SYNPR: variants seen among roughly 807,000 people sequenced by gnomAD.
SYNPR encodes synaptoporin.
In SYNPR, 23 loss-of-function variants were observed where a neutral mutation model predicts 32.9. The observed-to-expected ratio is 0.70, with a 90% confidence interval of 0.50 to 0.99. The LOEUF (loss-of-function observed/expected upper bound fraction) is 0.99. SYNPR is among the 50% of genes least tolerant of loss of function. The probability of loss-of-function intolerance (pLI) is 0.00; values close to 1 mark genes in which losing one functional copy is unlikely to be tolerated. For synonymous variants in SYNPR, 146 were observed against 135.9 expected (o/e 1.07, Z -0.52); for missense variants, 318 against 349.3 (o/e 0.91, Z 0.71).
chr3:63,411,381 G>A (rs2088462774), intron 2 of SYNPR, among the ~76,000 whole-genome samples: 1 of 151,974 alleles, frequency 6.6e-6, no homozygotes, highest in South Asian at 2.1e-4. Context: ...TGCATGCCTG[G>A]CTCCACGCTA....
At chr3:63,443,015 G>C in intron 2 of SYNPR, 1 of 995,854 alleles carries the variant, frequency 1.0e-6, no homozygotes, top group Non-Finnish European at 1.2e-6. Context: ...GCTTGCAGGA[G>C]GAGGGGGCTG....
At chr3:63,417,890 C>G (rs983216318) in intron 2 of SYNPR, among the ~76,000 whole-genome samples, 1 of 152,228 alleles carries the variant, frequency 6.6e-6, no homozygotes, top group African/African-American at 2.4e-5. Context: ...GCCTCCGGGC[C>G]TGTGATGGGA....
At chr3:63,566,412 A>G (rs900994203) in intron 4 of SYNPR, among the ~76,000 whole-genome samples, 3 of 152,002 alleles carry the variant, frequency 2.0e-5, no homozygotes, top group African/African-American at 7.3e-5. Flanking sequence ...ATTTCATGTT[A>G]TGTTTCCTTT....
At chr3:63,481,081 C>T (rs1034116046) in intron 3 of SYNPR, 125 bp downstream of exon 3, 3 of 1,299,966 alleles carry the variant, frequency 2.3e-6, no homozygotes, top group Middle Eastern at 2.8e-4. Context: ...CTGCCTGCAC[C>T]CACGGAATGC....
intron 3 of SYNPR, among the ~76,000 whole-genome samples, chr3:63,524,061 C>G (rs1185614179): frequency 6.7e-6 from 1 of 149,450 alleles, no homozygotes; most frequent in Non-Finnish European, 1.5e-5. Flanking sequence ...GCATCACCTT[C>G]CTGATATTTA....
At chr3:63,441,945 T>C (rs1472930971) in intron 2 of SYNPR, among the ~76,000 whole-genome samples, 1 of 152,148 alleles carries the variant, frequency 6.6e-6, no homozygotes, top group Non-Finnish European at 1.5e-5. Context: ...AGTGTAGCCA[T>C]TTTACAAAGG....
At chr3:63,249,036 C>T (rs2086311684) in intron 1 of SYNPR, among the ~76,000 whole-genome samples, 1 of 152,050 alleles carries the variant, frequency 6.6e-6, no homozygotes, top group African/African-American at 2.4e-5. Context: ...GCCTTAAATT[C>T]TGTGTAATTT....
At chr3:63,468,657 C>T (rs375504779) in intron 2 of SYNPR, among the ~76,000 whole-genome samples, 3 of 151,986 alleles carry the variant, frequency 2.0e-5, no homozygotes, top group Non-Finnish European at 2.9e-5. Flanking sequence ...AAAGATTAAC[C>T]GGGTGTGGTG....
chr3:63,382,954 CCT>C (rs1382503204), intron 2 of SYNPR, among the ~76,000 whole-genome samples: 1 of 152,010 alleles, frequency 6.6e-6, no homozygotes, highest in Non-Finnish European at 1.5e-5. Flanking sequence ...TATTCTATCT[CCT>C]CTGTTACTAC....
intron 2 of SYNPR, among the ~76,000 whole-genome samples, chr3:63,468,277 C>T (rs1700725144): frequency 6.6e-6 from 1 of 150,718 alleles, no homozygotes; most frequent in Admixed American, 6.6e-5. Context: ...AGAGATGCAA[C>T]TTGCCAGTAT....
At chr3:63,381,459 G>A (rs930112836) in intron 2 of SYNPR, among the ~76,000 whole-genome samples, 31 of 152,138 alleles carry the variant, frequency 2.0e-4, no homozygotes, top group Admixed American at 2.6e-4. Context: ...AATCAATATC[G>A]TGAAAACGGC....
intron 2 of SYNPR, among the ~76,000 whole-genome samples, chr3:63,260,010 C>G (rs2086422784): frequency 6.6e-6 from 1 of 152,162 alleles, no homozygotes; most frequent in African/African-American, 2.4e-5. Flanking sequence ...ATCCAACTTA[C>G]AAGGGACGCG....
intron 3 of SYNPR, among the ~76,000 whole-genome samples, chr3:63,551,100 C>A (rs1702493056): frequency 6.6e-6 from 1 of 152,186 alleles, no homozygotes; most frequent in Non-Finnish European, 1.5e-5. Context: ...CAGTCCTAAG[C>A]AAACACTAAC....
intron 3 of SYNPR, among the ~76,000 whole-genome samples, chr3:63,520,110 T>C (rs1701877535): frequency 6.6e-6 from 1 of 152,238 alleles, no homozygotes; most frequent in Non-Finnish European, 1.5e-5. Context: ...AAATATTCTT[T>C]ACAGCATAAT....
In SYNPR at chr3:63,531,908, A is replaced by G. The variant is rs1256010821; in HGVS notation, c.210-24635A>G. 2.0e-5 allele frequency among the ~76,000 whole-genome samples: 3 copies of G among 152,112 alleles called. No homozygotes were observed. The East Asian group carries it at 5.8e-4, about 29-fold the overall frequency. On this transcript the variant is annotated intron_variant, in intron 3 of 5. Transcript: ENST00000478300. ...GAAATCCCATTGAAATTTTCTCTCCATTTACCTACTTCTATATGAAGGTTA... is the reference window on the plus strand; with the variant it reads ...GAAATCCCATTGAAATTTTCTCTCCGTTTACCTACTTCTATATGAAGGTTA...
intron 2 of SYNPR, chr3:63,443,305 T>C (rs1700214863): frequency 6.7e-7 from 1 of 1,486,830 alleles, no homozygotes; most frequent in East Asian, 2.5e-5. Flanking sequence ...CCCTCTGCAT[T>C]GATTTTCTTC....
chr3:63,302,495 TTAG>T (rs1177539233), intron 2 of SYNPR, among the ~76,000 whole-genome samples: 17 of 152,084 alleles, frequency 1.1e-4, no homozygotes, highest in African/African-American at 4.1e-4. Flanking sequence ...GATTTAAATA[TTAG>T]TAGGCCTGAC....
chr3:63,377,231 A>T (rs1465876305), intron 2 of SYNPR, among the ~76,000 whole-genome samples: 1 of 152,186 alleles, frequency 6.6e-6, no homozygotes, highest in African/African-American at 2.4e-5. Context: ...TAAAAGCAGC[A>T]GAAATAAAGT....
intron 2 of SYNPR, chr3:63,426,803 G>A (rs1652741719): frequency 6.8e-6 from 1 of 147,664 alleles, no homozygotes; most frequent in Non-Finnish European, 1.5e-5. Flanking sequence ...TATCAATAAA[G>A]AGACTAAAAG....
Sources: allele counts gnomAD v4.1 joint callset (sites outside exome capture counted in the v4.1 genomes callset), GRCh38; gene constraint gnomAD v4.1.1; transcripts MANE v1.5; gene names NCBI Gene and HGNC (gene_info 2026-07-23, HGNC 2026-07-21).